LHPP: variants seen among roughly 807,000 people sequenced by gnomAD.
LHPP encodes the protein phospholysine phosphohistidine inorganic pyrophosphate phosphatase.
In LHPP, 24 loss-of-function variants were observed where a neutral mutation model predicts 30.3. The ratio of observed to expected loss-of-function variants is 0.79; its 90% CI spans 0.57 to 1.11. The LOEUF (loss-of-function observed/expected upper bound fraction) is 1.11, where lower values mean the gene tolerates loss of function less well. LHPP is among the 50% of genes most tolerant of loss of function. LHPP has a pLI of 0.00. For missense variants in LHPP, 356 were observed against 367.2 expected (o/e 0.97, Z 0.25); for synonymous variants, 150 against 157.1 (o/e 0.95, Z 0.34).
Position 124,496,944 on chromosome 10 carries a change from G to T in LHPP, c.468-17G>T. 1 of 1,612,062 alleles carries T rather than the reference G, an allele frequency of 6.2e-7. No individual in the cohort carries two copies. Among genetic ancestry groups the T allele is most frequent in the South Asian group, 1.1e-5 (1 of 90,838 alleles). The stretch of plus-strand genomic sequence containing the variant: ...CCCCGTGCTCAGCATCCCGTGCTCC[G>T]TTCTGCTCTCTCCTAGGCGTTACTA... On this transcript the variant is annotated splice_polypyrimidine_tract_variant and intron_variant, in intron 3 of 6. Coordinates refer to ENST00000368842, the MANE Select transcript of LHPP (RefSeq NM_022126.4). This position sits in a 1 kb window ranked among gnomAD's most constrained non-coding sequence, Gnocchi z 4.3.
chr10:124,509,073 G>A (rs1444632130), intron 5 of LHPP, among the ~76,000 whole-genome samples: 1 of 152,058 alleles, frequency 6.6e-6, no homozygotes, highest in Non-Finnish European at 1.5e-5. Flanking sequence ...GTTGCCCTGT[G>A]TCCATGTGTA....
rs537024606 is a variant in LHPP at position 124,546,401 on chromosome 10, G to T, written c.716+29130G>T. 8.5e-5 allele frequency among the ~76,000 whole-genome samples: 13 copies of T among 152,076 alleles called. No individual in the cohort carries two copies. The South Asian group carries it at 1.7e-3, about 19-fold the overall frequency. On this transcript the variant is annotated intron_variant, in intron 6 of 6. Transcript: ENST00000368842. ...ATCTCATGTGGTTGTATGTTTTTTT[G>T]TTTGTTTGTTTGTTTTTTTGAGACG...
chr10:124,568,992 T>C (rs571697148), intron 6 of LHPP, among the ~76,000 whole-genome samples: 23 of 152,294 alleles, frequency 1.5e-4, no homozygotes, highest in Non-Finnish European at 3.4e-4. Flanking sequence ...CCCACAGCTT[T>C]AGGCAATTAA....
chr10:124,600,141 C>T (rs1018795685), intron 6 of LHPP, among the ~76,000 whole-genome samples: 1 of 152,166 alleles, frequency 6.6e-6, no homozygotes, highest in Non-Finnish European at 1.5e-5. Context: ...AGCTCCAAGG[C>T]CCCCCTGTGG....
At chr10:124,494,345 C>G (rs1953634558) in intron 3 of LHPP, among the ~76,000 whole-genome samples, 1 of 152,174 alleles carries the variant, frequency 6.6e-6, no homozygotes, top group Non-Finnish European at 1.5e-5. Context: ...GGTCTGGGCC[C>G]AGAAGCCCCC....
At chr10:124,585,685 A>G (rs971981132) in intron 6 of LHPP, among the ~76,000 whole-genome samples, 2 of 152,028 alleles carry the variant, frequency 1.3e-5, no homozygotes, top group African/African-American at 2.4e-5. Flanking sequence ...GCTGACCTCA[A>G]ACTCCTGGGC....
intron 5 of LHPP, among the ~76,000 whole-genome samples, chr10:124,506,576 G>A (rs2604155): frequency 0.67 from 100,466 of 149,086 alleles, 34,346 homozygotes; most frequent in South Asian, 0.79. Flanking sequence ...TTCCAGCCCC[G>A]TCCAGTGCTC....
At chr10:124,583,652 C>T (rs1948768819) in intron 6 of LHPP, among the ~76,000 whole-genome samples, 1 of 152,100 alleles carries the variant, frequency 6.6e-6, no homozygotes, top group Non-Finnish European at 1.5e-5. Flanking sequence ...AGAATGGGAG[C>T]AAGAGTGGTA....
At chr10:124,574,777 G>C (rs1408410247) in intron 6 of LHPP, among the ~76,000 whole-genome samples, 3 of 152,060 alleles carry the variant, frequency 2.0e-5, no homozygotes. Flanking sequence ...GGTGGGAGAG[G>C]GGCCGCCATC....
At position 124,524,601 on chromosome 10, in the gene LHPP, A is replaced by C. The variant is rs553589008; in HGVS notation, c.716+7330A>C. 9.2e-5 allele frequency among the ~76,000 whole-genome samples: 14 copies of C among 152,242 alleles called. No individual in the cohort carries two copies. In the South Asian group the frequency reaches 2.9e-3, roughly 32 times the overall value. ...CTTATGTCATACTTTCATTTGAAAA[A>C]TTTAGAAAAATTAAATTGGCCCAGG... On this transcript the variant is annotated intron_variant, in intron 6 of 6. Coordinates refer to ENST00000368842, the MANE Select transcript of LHPP (RefSeq NM_022126.4).
At chr10:124,524,620 G>T (rs1283842871) in intron 6 of LHPP, among the ~76,000 whole-genome samples, 1 of 152,010 alleles carries the variant, frequency 6.6e-6, no homozygotes. Flanking sequence ...AATTAAATTG[G>T]CCCAGGAGTT....
rs181817737 is a variant in LHPP, at chr10:124,555,074, G to A, written c.716+37803G>A. Reference sequence around the variant, plus strand: ...AATCACTGGTTTGAGTACGTCCAGCGAGAGGGCAGCTGGGCCAGGATTTGA... The same window carrying A: ...AATCACTGGTTTGAGTACGTCCAGCAAGAGGGCAGCTGGGCCAGGATTTGA... On this transcript the variant is annotated intron_variant, in intron 6 of 6. Coordinates refer to ENST00000368842, the MANE Select transcript of LHPP (RefSeq NM_022126.4). 1.6e-3 allele frequency among the ~76,000 whole-genome samples: 246 copies of A among 152,304 alleles called. 1 individual carries two copies. The highest frequency in any genetic ancestry group is 8.7e-4 in the African/African-American group (36 of 41,574).
Position 124,613,286 on chromosome 10 carries a change from G to T in LHPP, c.739G>T (p.Glu247Ter). 1 of 1,613,514 alleles carries T rather than the reference G, an allele frequency of 6.2e-7. No homozygotes were observed. Among genetic ancestry groups the T allele is most frequent in the Non-Finnish European group, 8.5e-7 (1 of 1,179,938 alleles). The change falls in exon 7 of 7, where the codon GAA becomes TAA. Residue 247 changes from glutamate to a stop codon, truncating the protein, a stop_gained. Coordinates refer to ENST00000368842, the MANE Select transcript of LHPP (RefSeq NM_022126.4). LOFTEE classifies it high-confidence loss of function. ...KFRPSDEHHPEVKADGYVDNL... is the reference protein window; with the variant it reads ...KFRPSDEHHP ...CAGGCCCAGTGACGAGCACCATCCG[G>T]AAGTGAAGGCTGATGGGTACGTGGA...
intron 5 of LHPP, among the ~76,000 whole-genome samples, chr10:124,516,451 AC>A (rs1264816529): frequency 1.3e-5 from 2 of 152,132 alleles, no homozygotes; most frequent in African/African-American, 4.8e-5. Flanking sequence ...AGTTCACAGC[AC>A]CCCTCCTGTG....
intron 6 of LHPP, among the ~76,000 whole-genome samples, chr10:124,544,095 C>A (rs1207214303): frequency 6.6e-6 from 1 of 152,210 alleles, no homozygotes; most frequent in Non-Finnish European, 1.5e-5. Context: ...GGTGACCCTG[C>A]GAGGCCCCTC....
intron 6 of LHPP, among the ~76,000 whole-genome samples, chr10:124,549,725 C>T (rs1056821920): frequency 1.3e-5 from 2 of 152,218 alleles, no homozygotes; most frequent in African/African-American, 2.4e-5. Flanking sequence ...CTGGGCCTGC[C>T]TCTGGCCCTG....
At chr10:124,522,199 A>G (rs2133917836) in intron 6 of LHPP, among the ~76,000 whole-genome samples, 1 of 152,218 alleles carries the variant, frequency 6.6e-6, no homozygotes, top group East Asian at 1.9e-4. Flanking sequence ...CTTTCTTTTC[A>G]TACCTGCTCC....
intron 6 of LHPP, among the ~76,000 whole-genome samples, chr10:124,561,954 A>G (rs1415253437): frequency 6.6e-6 from 1 of 152,230 alleles, no homozygotes; most frequent in Non-Finnish European, 1.5e-5. Context: ...AAATGCTTCA[A>G]CCAGCAATTG....
intron 6 of LHPP, among the ~76,000 whole-genome samples, chr10:124,581,452 T>C (rs1159082092): frequency 1.3e-5 from 2 of 152,258 alleles, no homozygotes; most frequent in East Asian, 3.8e-4. Context: ...TGGTATCTAT[T>C]TTTAATCACT....
Sources: gnomAD v4.1 joint callset for allele counts (sites outside exome capture counted in the v4.1 genomes callset) on GRCh38, gnomAD v4.1.1 for gene constraint, Gnocchi (gnomAD v3.1) non-coding constraint, MANE v1.5 for transcripts, NCBI Gene and HGNC (gene_info 2026-07-23, HGNC 2026-07-21) for gene names.